BEND6: variants seen among roughly 807,000 people sequenced by gnomAD.
The protein encoded by BEND6 is BEN domain-containing protein 6.
Under a neutral mutation model 31.8 loss-of-function variants are expected in BEND6, and 24 were observed. That is an observed-to-expected ratio of 0.75 (90% confidence interval 0.55 to 1.06). BEND6 has a LOEUF of 1.06. Among genes scored for constraint, BEND6 ranks in the 50% least tolerant of loss-of-function variants. The probability of loss-of-function intolerance (pLI) is 0.00; values close to 1 mark genes in which losing one functional copy is unlikely to be tolerated. For synonymous variants in BEND6, 109 were observed against 114.6 expected (o/e 0.95, Z 0.31); for missense variants, 294 against 327.4 (o/e 0.90, Z 0.79).
chr6:57,015,173 T>A lies in BEND6; in HGVS notation c.339T>A (p.Gly113=). The A allele has an allele frequency of 1.2e-6, 2 of 1,614,154 alleles. No individual in the cohort carries two copies. The highest frequency in any genetic ancestry group is 1.7e-6 in the Non-Finnish European group (2 of 1,180,016). Residue 113 remains glycine (G), a synonymous_variant, in exon 4 of 7, where the codon GGT becomes GGA. Coordinates refer to ENST00000370746, the MANE Select transcript of BEND6 (RefSeq NM_152731.3). ...QAVTQFEELV[G]MAEALLKGGG... is the part of the protein sequence containing the mutation. ...TCACCCAGTTTGAAGAATTGGTTGG[T>A]ATGGCCGAGGCTCTGCTTAAGGGTG...
intron 1 of BEND6, among the ~76,000 whole-genome samples, chr6:56,977,476 A>G (rs57938841): frequency 2.1e-3 from 320 of 152,350 alleles, no homozygotes; most frequent in African/African-American, 7.3e-3. Context: ...ACAAATATAT[A>G]TAGAGCAGAA....
At position 56,979,969 on chromosome 6, in the gene BEND6, G is replaced by A. The variant is rs531644495; in HGVS notation, c.-100-1742G>A. ...TATAACTTCCTAGAGAATGTCATGC[G>A]AGCTACACAGCTCTGAAATATAAAA... On this transcript the variant is annotated intron_variant, in intron 1 of 6. Transcript: ENST00000370746. Among the ~76,000 whole-genome samples, 10 of 152,292 alleles carry A rather than the reference G, an allele frequency of 6.6e-5. No individual in the cohort carries two copies. In the South Asian group the frequency reaches 1.9e-3, roughly 28 times the overall value.
At chr6:56,964,144 G>C (rs1260875041) in intron 1 of BEND6, among the ~76,000 whole-genome samples, 1 of 151,796 alleles carries the variant, frequency 6.6e-6, no homozygotes, top group African/African-American at 2.4e-5. Context: ...AGCACAGAAA[G>C]ATTACATGGG....
At chr6:57,022,060 T>G (rs1414395197) in intron 6 of BEND6, among the ~76,000 whole-genome samples, 1 of 152,132 alleles carries the variant, frequency 6.6e-6, no homozygotes, top group Non-Finnish European at 1.5e-5. Flanking sequence ...TGTAGTTTTG[T>G]TTTTTTGTTG....
intron 1 of BEND6, among the ~76,000 whole-genome samples, chr6:56,974,242 G>GC (rs1825797607): frequency 6.6e-6 from 1 of 152,078 alleles, no homozygotes; most frequent in African/African-American, 2.4e-5. Context: ...CAGATGGCCT[G>GC]CCCCCCAGAA....
At chr6:56,993,068 A>G (rs1826569154) in intron 3 of BEND6, among the ~76,000 whole-genome samples, 1 of 152,182 alleles carries the variant, frequency 6.6e-6, no homozygotes, top group Admixed American at 6.5e-5. Flanking sequence ...ATAGCATTCC[A>G]CTGGAAACAT....
rs946576055 is a variant in BEND6, at chr6:57,026,472, A to G, written c.*400A>G. ...TCATTGTCCTAACCAATCATTGTAC[A>G]TTGATTATTACCAGTGACTTCCCAT... On this transcript the variant is annotated 3_prime_UTR_variant, in exon 7 of 7. Coordinates refer to ENST00000370746, the MANE Select transcript of BEND6 (RefSeq NM_152731.3). The G allele has an allele frequency of 2.0e-5, 3 of 152,234 alleles. No homozygotes were observed. The highest frequency in any genetic ancestry group is 2.9e-5 in the Non-Finnish European group (2 of 68,046). The allele number at this position is 152,234 out of a possible 1,614,324, so 9.4% of individuals were successfully genotyped here.
intron 2 of BEND6, among the ~76,000 whole-genome samples, chr6:56,985,562 G>A (rs947753260): frequency 2.6e-5 from 4 of 152,180 alleles, no homozygotes; most frequent in Admixed American, 6.5e-5. Context: ...TTATCAACAA[G>A]TCAGTGGTCC....
chr6:57,015,247 A>G lies in BEND6; in HGVS notation c.413A>G (p.Asn138Ser), dbSNP rs576026765. The G allele has an allele frequency of 3.9e-5, 63 of 1,613,826 alleles. No homozygotes were observed. Among genetic ancestry groups the G allele is most frequent in the Non-Finnish European group, 5.2e-5 (61 of 1,179,958 alleles). Residue 138 changes from asparagine to serine, a missense_variant, in exon 4 of 7, where the codon AAC (asparagine) becomes AGC (serine). By Grantham distance (46) the Asn-to-Ser change is conservative. Transcript: ENST00000370746. ...TCCACCCTCTGGAGAGCAACAAACA[A>G]CTCCTCGCCAGATTCATTTGCCTCA... Reference protein sequence around the residue: ...SASTLWRATNNSSPDSFASTC... With the variant: ...SASTLWRATNSSSPDSFASTC...
rs142899650 is a variant in BEND6, at chr6:56,971,596, A to G, written c.-100-10115A>G. Among the ~76,000 whole-genome samples the G allele has an allele frequency of 3.4e-3, 517 of 152,292 alleles. 5 individuals carry two copies. The highest frequency in any genetic ancestry group is 0.012 in the African/African-American group (496 of 41,554). On this transcript the variant is annotated intron_variant, in intron 1 of 6. Transcript: ENST00000370746. Reference sequence around the variant, plus strand: ...CATCTTACATTACCACCAACAGTGCACAGGGTTCCAGTTCCTCTATATCCT... The same window carrying G: ...CATCTTACATTACCACCAACAGTGCGCAGGGTTCCAGTTCCTCTATATCCT...
intron 1 of BEND6, among the ~76,000 whole-genome samples, chr6:56,972,779 C>G (rs1474804521): frequency 3.9e-5 from 6 of 152,150 alleles, no homozygotes; most frequent in Admixed American, 3.9e-4. Flanking sequence ...GTGGCTTAAA[C>G]AACAAAAATT....
At chr6:57,009,182 A>G (rs1827263789) in intron 3 of BEND6, 1 of 152,164 alleles carries the variant, frequency 6.6e-6, no homozygotes, top group South Asian at 2.1e-4. Context: ...ATACAAAATT[A>G]CAGCTAGATG....
intron 1 of BEND6, among the ~76,000 whole-genome samples, chr6:56,974,038 C>A (rs1158794629): frequency 6.6e-6 from 1 of 152,206 alleles, no homozygotes; most frequent in Non-Finnish European, 1.5e-5. Context: ...CAGGCATAAG[C>A]CATTGCACCC....
intron 1 of BEND6, among the ~76,000 whole-genome samples, chr6:56,972,315 G>A (rs544355365): frequency 3.5e-4 from 53 of 151,848 alleles, no homozygotes; most frequent in Non-Finnish European, 6.9e-4. Flanking sequence ...GGCTGGTCTC[G>A]AACCTCTGAG....
At chr6:56,986,974 T>C (rs1435694479) in intron 2 of BEND6, among the ~76,000 whole-genome samples, 1 of 78,132 alleles carries the variant, frequency 1.3e-5, no homozygotes, top group Non-Finnish European at 2.6e-5. Context: ...GTTTCTTTTC[T>C]TTTTTTTTTT....
intron 3 of BEND6, chr6:57,014,400 G>A (rs1827457980): frequency 1.9e-6 from 2 of 1,075,916 alleles, no homozygotes; most frequent in Middle Eastern, 2.0e-4. Context: ...ATATAGTGAG[G>A]AACTGAATTA....
intron 1 of BEND6, among the ~76,000 whole-genome samples, chr6:56,975,010 T>C (rs1825823309): frequency 6.6e-6 from 1 of 151,996 alleles, no homozygotes; most frequent in Non-Finnish European, 1.5e-5. Context: ...TCCAAGCTAC[T>C]TGGGAGGCTG....
intron 1 of BEND6, among the ~76,000 whole-genome samples, chr6:56,976,709 T>G (rs1825890396): frequency 6.6e-6 from 1 of 152,198 alleles, no homozygotes; most frequent in South Asian, 2.1e-4. Flanking sequence ...GGATTACAGG[T>G]GCACGTCACC....
intron 2 of BEND6, among the ~76,000 whole-genome samples, chr6:56,991,167 T>C (rs1033074516): frequency 1.3e-5 from 2 of 152,224 alleles, no homozygotes; most frequent in Non-Finnish European, 2.9e-5. Context: ...GAACATGATG[T>C]CTCTCTACAT....
Sources: allele counts gnomAD v4.1 joint callset (sites outside exome capture counted in the v4.1 genomes callset), GRCh38; gene constraint gnomAD v4.1.1; transcripts MANE v1.5; gene names NCBI Gene and HGNC (gene_info 2026-07-23, HGNC 2026-07-21).